VCP: variants seen among roughly 807,000 people sequenced by gnomAD.
VCP encodes valosin containing protein.
In VCP, 6 loss-of-function variants were observed where a neutral mutation model predicts 85.7. The ratio of observed to expected loss-of-function variants is 0.07; its 90% CI spans 0.04 to 0.14. The LOEUF (loss-of-function observed/expected upper bound fraction) is 0.14. VCP is among the 10% of genes least tolerant of loss of function. VCP has a pLI of 1.00. For missense variants in VCP, 353 were observed against 1,043.4 expected (o/e 0.34, Z 9.12); for synonymous variants, 384 against 367.1 (o/e 1.05, Z -0.53).
Position 35,071,933 on chromosome 9 carries a change from C to T in VCP, c.17+404G>A, listed in dbSNP as rs548785573. 9.3e-5 allele frequency: 96 copies of T among 1,037,232 alleles called. 1 individual carries two copies. The African/African-American group carries it at 1.6e-3, about 17-fold the overall frequency. The allele number at this position is 1,037,232 out of a possible 1,614,324, so 64.3% of individuals were successfully genotyped here. A position where few individuals can be genotyped will look rare whatever the true frequency, so the allele number is the denominator to read the frequency against. ...TCGGGCTCGCGGGGCCTGCTCTCTC[C>T]GGGGACCAAAGGCTTTCGGCGGGTG... On this transcript the variant is annotated intron_variant, in intron 1 of 16. Coordinates refer to ENST00000358901, the MANE Select transcript of VCP (RefSeq NM_007126.5).
intron 1 of VCP, among the ~76,000 whole-genome samples, chr9:35,071,011 G>C (rs1828930208): frequency 6.6e-6 from 1 of 152,156 alleles, no homozygotes; most frequent in Non-Finnish European, 1.5e-5. Flanking sequence ...GGGACTCCAC[G>C]GGACTTGGAA....
At chr9:35,070,053 T>A (rs1828909609) in intron 1 of VCP, among the ~76,000 whole-genome samples, 1 of 152,142 alleles carries the variant, frequency 6.6e-6, no homozygotes, top group Non-Finnish European at 1.5e-5. Flanking sequence ...CATCTTTGGG[T>A]CCTGATACAC....
At chr9:35,065,549 C>G (rs1294319858) in intron 4 of VCP, among the ~76,000 whole-genome samples, 168 bp from the exon 5 acceptor site, 1 of 152,164 alleles carries the variant, frequency 6.6e-6, no homozygotes, top group Non-Finnish European at 1.5e-5. Context: ...AAGCAGCAGG[C>G]AAGATGAGAA....
Position 35,060,900 on chromosome 9 carries a change from T to C in VCP, c.1383A>G (p.Pro461=), listed in dbSNP as rs780426658. ...DFRWALSQSN[P]SALRETVVEV... ...CTACCACGGTTTCCCGCAGTGCTGATGGGTTACTCTGGCTCAAGGCCCACT... is the reference window on the plus strand; with the variant it reads ...CTACCACGGTTTCCCGCAGTGCTGACGGGTTACTCTGGCTCAAGGCCCACT... Residue 461 remains proline (P), a synonymous_variant, in exon 12 of 17, where the codon CCA becomes CCG. Transcript: ENST00000358901. 1.4e-5 allele frequency: 22 copies of C among 1,614,042 alleles called. No individual in the cohort carries two copies. The highest frequency in any genetic ancestry group is 8.3e-5 in the Admixed American group (5 of 60,002).
Position 35,059,816 on chromosome 9 carries a change from G to C in VCP, c.1696-15C>G, listed in dbSNP as rs1048514063. 4.3e-6 allele frequency: 7 copies of C among 1,614,050 alleles called. No homozygotes were observed. The highest frequency in any genetic ancestry group is 1.7e-5 in the Admixed American group (1 of 59,990). ...GCTTGGCGGGCCTGTAGGAGGAATG[G>C]ATTGATTCAAGCACTAACAAAACTA... On this transcript the variant is annotated splice_polypyrimidine_tract_variant and intron_variant, in intron 13 of 16. Transcript: ENST00000358901. This position sits in a 1 kb window ranked among gnomAD's most constrained non-coding sequence, Gnocchi z 4.9.
Position 35,064,080 on chromosome 9 carries a change from CCAGGATTAGACATTGGGA to C in VCP, c.708+56_708+73del, listed in dbSNP as rs756672952. 767 of 1,609,710 alleles carry C rather than the reference CCAGGATTAGACATTGGGA, an allele frequency of 4.8e-4. 1 individual carries two copies. The highest frequency in any genetic ancestry group is 9.5e-4 in the Admixed American group (57 of 59,996). On this transcript the variant is annotated intron_variant, in intron 6 of 16. Coordinates refer to ENST00000358901, the MANE Select transcript of VCP (RefSeq NM_007126.5). ...ATGAAAGCCATGCATGAAAACAGTC[CCAGGATTAGACATTGGGA>C]CAGGATTAGACATTGGCACCACTTT...
intron 4 of VCP, 152 bp from the exon 5 acceptor site, chr9:35,065,533 C>T: frequency 1.9e-6 from 2 of 1,026,280 alleles, no homozygotes; most frequent in Non-Finnish European, 2.9e-6. Context: ...CCCCACCTGT[C>T]TTAATAAGCA....
rs374552017 is a variant in VCP at position 35,061,419 on chromosome 9, C to T, written c.1194+158G>A. On this transcript the variant is annotated intron_variant, in intron 10 of 16. Transcript: ENST00000358901. ...AATGCAGCGTCAACTATGAAAAATG[C>T]CAACTCCCATTTCCTGGATTCAATC... Among the ~76,000 whole-genome samples the T allele has an allele frequency of 4.1e-4, 62 of 152,306 alleles. 2 individuals are homozygous for T. In the South Asian group the frequency reaches 8.9e-3, roughly 22 times the overall value.
At chr9:35,067,183 T>A (rs527772264) in intron 3 of VCP, among the ~76,000 whole-genome samples, 1 of 152,202 alleles carries the variant, frequency 6.6e-6, no homozygotes, top group East Asian at 1.9e-4. Flanking sequence ...AACAAAATTA[T>A]CTCAGCCAGG....
chr9:35,063,878 T>C (rs1221257379), intron 6 of VCP, among the ~76,000 whole-genome samples: 2 of 152,262 alleles, frequency 1.3e-5, no homozygotes, highest in Non-Finnish European at 2.9e-5. Flanking sequence ...GAATGGCTTT[T>C]ATATTCTAAG....
At chr9:35,060,554 G>A in intron 12 of VCP, 29 bp from the exon 13 acceptor site, 4 of 1,607,368 alleles carry the variant, frequency 2.5e-6, no homozygotes, top group Non-Finnish European at 3.4e-6. Flanking sequence ...AGGGTTCAAG[G>A]CTACCTCCAC....
At chr9:35,061,308 AT>A (rs1828716753) in intron 10 of VCP, 129 bp from the exon 11 acceptor site, 5 of 1,285,614 alleles carry the variant, frequency 3.9e-6, no homozygotes, top group African/African-American at 1.5e-5. Flanking sequence ...TATACTATCA[AT>A]ACCTTTATGG....
At chr9:35,063,380 G>A (rs1026275753) in intron 6 of VCP, among the ~76,000 whole-genome samples, 1 of 152,174 alleles carries the variant, frequency 6.6e-6, no homozygotes, top group African/African-American at 2.4e-5. Flanking sequence ...AAGGCAAGAG[G>A]CCATTACACT....
intron 4 of VCP, 111 bp downstream of exon 4, chr9:35,066,564 G>T (rs1446838695): frequency 7.1e-7 from 1 of 1,414,656 alleles, no homozygotes; most frequent in Non-Finnish European, 9.5e-7. Flanking sequence ...TAAATACAGG[G>T]GAAAAGCATA....
intron 1 of VCP, chr9:35,071,989 G>C (rs1275421115): frequency 9.0e-6 from 10 of 1,108,302 alleles, no homozygotes; most frequent in Non-Finnish European, 1.1e-5. Flanking sequence ...GCGCCCCAAA[G>C]CCCCGGGGCG....
chr9:35,057,640 C>T (rs547743761), intron 15 of VCP, 110 bp from the exon 16 acceptor site: 25 of 1,443,456 alleles, frequency 1.7e-5, no homozygotes, highest in Non-Finnish European at 2.4e-5. Flanking sequence ...CCAATCCAAC[C>T]TGAGGTAAGA....
At chr9:35,072,237 CCT>C (rs1224759716) in intron 1 of VCP, 98 bp downstream of exon 1, 10 of 1,465,004 alleles carry the variant, frequency 6.8e-6, no homozygotes, top group Non-Finnish European at 8.1e-6. Flanking sequence ...CTGGTCTCCA[CCT>C]CTCTGACGCG....
chr9:35,070,967 C>A (rs1828929366), intron 1 of VCP, among the ~76,000 whole-genome samples: 1 of 152,172 alleles, frequency 6.6e-6, no homozygotes, highest in Non-Finnish European at 1.5e-5. Context: ...CCATTGTCTT[C>A]TGTATAAGTC....
chr9:35,060,306 A>AG lies in VCP; in HGVS notation c.1695+6dup. ...ATCAATACATAGTTCAGCCTATTGT[A>AG]GCTCACCTTGTCAAAGATTTCTCTG... On this transcript the variant is annotated splice_region_variant and intron_variant, in intron 13 of 16. Transcript: ENST00000358901. The AG allele has an allele frequency of 1.9e-6, 3 of 1,614,018 alleles. No individual in the cohort carries two copies. The highest frequency in any genetic ancestry group is 2.5e-6 in the Non-Finnish European group (3 of 1,179,862).
Sources: allele counts gnomAD v4.1 joint callset (sites outside exome capture counted in the v4.1 genomes callset), GRCh38; gene constraint gnomAD v4.1.1; non-coding constraint Gnocchi (gnomAD v3.1); transcripts MANE v1.5; gene names NCBI Gene and HGNC (gene_info 2026-07-23, HGNC 2026-07-21).